Variants in KANK1 observed in about 807,000 individuals in gnomAD.
KANK1 encodes the protein KN motif and ankyrin repeat domain-containing protein 1.
A neutral mutation model predicts 106.2 loss-of-function variants in KANK1; 109 were observed. The ratio of observed to expected loss-of-function variants is 1.03; its 90% CI spans 0.88 to 1.20. KANK1 has a LOEUF of 1.20. KANK1 is among the 50% of genes most tolerant of loss of function. The probability of loss-of-function intolerance (pLI) is 0.00; values close to 1 mark genes in which losing one functional copy is unlikely to be tolerated. For synonymous variants in KANK1, 873 were observed against 652.2 expected (o/e 1.34, Z -5.16); for missense variants, 2,399 against 1,710.7 (o/e 1.40, Z -7.10).
At chr9:633,186 A>G (rs72691307) in intron 1 of KANK1, among the ~76,000 whole-genome samples, 22,513 of 152,066 alleles carry the variant, frequency 0.15, 1,833 homozygotes, top group Admixed American at 0.17. Flanking sequence ...GACCGGGCGC[A>G]GTGGCTCACG....
intron 1 of KANK1, among the ~76,000 whole-genome samples, chr9:584,200 C>A (rs2135384406): frequency 6.6e-6 from 1 of 152,206 alleles, no homozygotes; most frequent in East Asian, 1.9e-4. Flanking sequence ...GCATACAAGA[C>A]TATTAAATGG....
chr9:579,291 T>C (rs771349397), intron 1 of KANK1, among the ~76,000 whole-genome samples: 4 of 152,100 alleles, frequency 2.6e-5, no homozygotes, highest in Non-Finnish European at 5.9e-5. Flanking sequence ...AAGGATGGTA[T>C]TCAACTGGGA....
In KANK1 at chr9:711,321, C is replaced by A; in HGVS notation, c.555C>A (p.Ala185=). 2.5e-6 allele frequency: 4 copies of A among 1,614,152 alleles called. No homozygotes were observed. The highest frequency in any genetic ancestry group is 3.4e-6 in the Non-Finnish European group (4 of 1,180,032). The change falls in exon 3 of 12, where the codon GCC becomes GCA. Residue 185 remains alanine, a synonymous_variant. Coordinates refer to ENST00000382297, the MANE Select transcript of KANK1 (RefSeq NM_015158.5). ...TPGEFRRPRL[A]SFGGMGTTSS... is the part of the protein sequence containing the mutation. ...GTGAGTTCAGAAGGCCCAGGCTGGCCAGTTTTGGAGGCATGGGCACCACAA... is the reference window on the plus strand; with the variant it reads ...GTGAGTTCAGAAGGCCCAGGCTGGCAAGTTTTGGAGGCATGGGCACCACAA...
chr9:495,890 G>A (rs1353252291), intron 3 of KANK1, among the ~76,000 whole-genome samples: 1 of 152,152 alleles, frequency 6.6e-6, no homozygotes, highest in Non-Finnish European at 1.5e-5. Flanking sequence ...AAGGTCACCA[G>A]GTCAGGGTTT....
At position 711,971 on chromosome 9, in the gene KANK1, CTGTGGG is replaced by C. The variant is rs768258143; in HGVS notation, c.1208_1213del (p.Val403_Gly404del). 1.2e-6 allele frequency: 2 copies of C among 1,614,184 alleles called. No individual in the cohort carries two copies. The highest frequency in any genetic ancestry group is 1.3e-5 in the African/African-American group (1 of 75,044). ...GAGAATGGAGAGTGCCGGTCTGTGG[CTGTGGG>C]TGCCGAGGAGAACATGAACGACATC... On this transcript the variant is annotated inframe_deletion, in exon 3 of 12. Coordinates refer to ENST00000382297, the MANE Select transcript of KANK1 (RefSeq NM_015158.5).
intron 1 of KANK1, among the ~76,000 whole-genome samples, chr9:575,130 A>G (rs1461672358): frequency 1.3e-5 from 2 of 152,228 alleles, no homozygotes; most frequent in East Asian, 3.8e-4. Context: ...ATGTTCTGAC[A>G]TATTTCAATT....
At chr9:689,294 TAAG>T (rs2139391611) in intron 2 of KANK1, among the ~76,000 whole-genome samples, 2 of 152,294 alleles carry the variant, frequency 1.3e-5, no homozygotes, top group East Asian at 1.9e-4. Context: ...GAATAAAGGA[TAAG>T]AAGACAGAAG....
At chr9:662,954 G>C (rs1050119899) in intron 1 of KANK1, among the ~76,000 whole-genome samples, 1 of 152,146 alleles carries the variant, frequency 6.6e-6, no homozygotes, top group Non-Finnish European at 1.5e-5. Flanking sequence ...GAGCCACCAC[G>C]CCAGGCCTAA....
At chr9:490,287 C>T (rs974747410) in intron 3 of KANK1, among the ~76,000 whole-genome samples, 5 of 152,134 alleles carry the variant, frequency 3.3e-5, no homozygotes, top group African/African-American at 4.8e-5. Context: ...GGGAGGATTG[C>T]TTGAGCTCAG....
chr9:612,314 T>G (rs1224516457), intron 1 of KANK1, among the ~76,000 whole-genome samples: 1 of 152,170 alleles, frequency 6.6e-6, no homozygotes, highest in Non-Finnish European at 1.5e-5. Flanking sequence ...AAAGAGAAAT[T>G]CAGTACAAAG....
At chr9:693,985 T>C (rs1273735249) in intron 2 of KANK1, among the ~76,000 whole-genome samples, 1 of 152,192 alleles carries the variant, frequency 6.6e-6, no homozygotes, top group African/African-American at 2.4e-5. Flanking sequence ...AAGATGTCAT[T>C]GTTGCAGGAG....
At chr9:740,680 C>G (rs1292580864) in intron 8 of KANK1, 112 bp from the exon 9 acceptor site, 9 of 1,199,930 alleles carry the variant, frequency 7.5e-6, no homozygotes, top group Non-Finnish European at 1.1e-5. Context: ...CTCCAGCCAC[C>G]TGGTACCATT....
chr9:532,571 T>A (rs147038051), intron 1 of KANK1, among the ~76,000 whole-genome samples: 40 of 152,118 alleles, frequency 2.6e-4, no homozygotes, highest in African/African-American at 9.4e-4. Flanking sequence ...ACAACCATTC[T>A]ACGTTCTAAC....
intron 1 of KANK1, among the ~76,000 whole-genome samples, chr9:598,851 C>CGGACTCCTGACCT (rs1826975154): frequency 6.7e-6 from 1 of 149,214 alleles, no homozygotes; most frequent in Admixed American, 6.6e-5. Context: ...AGACTGGTCT[C>CGGACTCCTGACCT]GGACTCCTGA....
chr9:736,017 G>C (rs1349858699), intron 7 of KANK1, among the ~76,000 whole-genome samples: 2 of 152,100 alleles, frequency 1.3e-5, no homozygotes, highest in Non-Finnish European at 2.9e-5. Flanking sequence ...GAGTGCAGTG[G>C]CGTGATCTCG....
At chr9:593,621 G>A (rs950502681) in intron 1 of KANK1, among the ~76,000 whole-genome samples, 8 of 151,678 alleles carry the variant, frequency 5.3e-5, no homozygotes, top group African/African-American at 1.9e-4. Context: ...CTTTAAACAC[G>A]AAGACCTGAT....
chr9:625,070 G>A (rs1834027855), intron 1 of KANK1, among the ~76,000 whole-genome samples: 2 of 152,114 alleles, frequency 1.3e-5, no homozygotes. Flanking sequence ...TCTGAAAGGT[G>A]CTCCTAAGGG....
intron 1 of KANK1, among the ~76,000 whole-genome samples, chr9:567,073 A>G (rs1250578720): frequency 6.6e-6 from 1 of 152,214 alleles, no homozygotes; most frequent in African/African-American, 2.4e-5. Flanking sequence ...CTAGCCAGTT[A>G]TCACAGCACC....
chr9:604,297 C>G (rs1010460800), intron 1 of KANK1, among the ~76,000 whole-genome samples: 2 of 151,524 alleles, frequency 1.3e-5, no homozygotes, highest in African/African-American at 4.9e-5. Flanking sequence ...GCTGTGTGTC[C>G]CTACCCAAAT....
Sources: gnomAD v4.1 joint callset for allele counts (sites outside exome capture counted in the v4.1 genomes callset) on GRCh38, gnomAD v4.1.1 for gene constraint, MANE v1.5 for transcripts, NCBI Gene and HGNC (gene_info 2026-07-23, HGNC 2026-07-21) for gene names.